INPP4B: variants seen among roughly 807,000 people sequenced by gnomAD.
INPP4B encodes inositol polyphosphate-4-phosphatase type II B.
A neutral mutation model predicts 122.5 loss-of-function variants in INPP4B; 55 were observed. The observed-to-expected ratio is 0.45, with a 90% confidence interval of 0.36 to 0.56. The LOEUF is 0.56. Ranked by LOEUF, INPP4B falls within the 20% of genes least tolerant of loss-of-function variation. The pLI, the probability that INPP4B is intolerant of heterozygous loss-of-function variation, is 0.00. For synonymous variants in INPP4B, 403 were observed against 388.7 expected, an observed-to-expected ratio of 1.04 and a Z score of -0.43; for missense variants, 1,000 against 1,097.7, an observed-to-expected ratio of 0.91 and a Z score of 1.26.
chr4:142,558,126 C>G (rs1050040077), intron 2 of INPP4B, among the ~76,000 whole-genome samples: 3 of 152,128 alleles, frequency 2.0e-5, no homozygotes, highest in African/African-American at 7.2e-5. Context: ...TGTACTGTAC[C>G]TATCATCTCA....
At chr4:142,220,585 C>T (rs183163442) in intron 12 of INPP4B, among the ~76,000 whole-genome samples, 74 of 152,264 alleles carry the variant, frequency 4.9e-4, no homozygotes, top group African/African-American at 1.7e-3. Flanking sequence ...CGATTCACTC[C>T]TGGTCACCTA....
At chr4:142,430,384 T>G (rs1346587870) in intron 4 of INPP4B, among the ~76,000 whole-genome samples, 2 of 152,016 alleles carry the variant, frequency 1.3e-5, no homozygotes, top group Admixed American at 6.6e-5. Flanking sequence ...ACAATCAGAT[T>G]TCTCAAAAAC....
At position 142,101,428 on chromosome 4, in the gene INPP4B, C is replaced by T. The variant is rs147257363; in HGVS notation, c.2374+6665G>A. 7.0e-3 allele frequency among the ~76,000 whole-genome samples: 1,064 copies of T among 152,194 alleles called. 24 individuals carry two copies. Among genetic ancestry groups the T allele is most frequent in the East Asian group, 0.047 (241 of 5,170 alleles). Reference sequence around the variant, plus strand: ...ATACTTAAGTAGCTTCAATTCTCATCGTTAGATAAAATGTAGTGCAACTCT... The same window carrying T: ...ATACTTAAGTAGCTTCAATTCTCATTGTTAGATAAAATGTAGTGCAACTCT... On this transcript the variant is annotated intron_variant, in intron 23 of 25. Transcript: ENST00000262992.
chr4:142,122,306 C>T, intron 20 of INPP4B, 61 bp from the exon 21 acceptor site: 1 of 1,152,404 alleles, frequency 8.7e-7, no homozygotes, highest in Non-Finnish European at 1.3e-6. Context: ...TCACTAGCTA[C>T]TATGCCTCCC....
chr4:142,198,838 G>A (rs1042592413), intron 14 of INPP4B, among the ~76,000 whole-genome samples: 2 of 151,908 alleles, frequency 1.3e-5, no homozygotes, highest in Non-Finnish European at 2.9e-5. Flanking sequence ...CTTTAATCCT[G>A]TTCCAGTTCT....
chr4:142,088,504 T>TTGTG (rs3836670), intron 23 of INPP4B, among the ~76,000 whole-genome samples: 68 of 150,950 alleles, frequency 4.5e-4, no homozygotes, highest in Middle Eastern at 6.8e-3. Flanking sequence ...CAATGTGTGC[T>TTGTG]TGTGTGTGTG....
At chr4:142,042,873 G>A (rs987660657) in intron 25 of INPP4B, among the ~76,000 whole-genome samples, 2 of 152,028 alleles carry the variant, frequency 1.3e-5, no homozygotes, top group Non-Finnish European at 2.9e-5. Flanking sequence ...TTCTATTAGG[G>A]TTGAATGCTA....
chr4:142,068,812 G>A (rs1161162918), intron 25 of INPP4B, among the ~76,000 whole-genome samples: 3 of 152,134 alleles, frequency 2.0e-5, no homozygotes, highest in African/African-American at 4.8e-5. Flanking sequence ...CCCAATACAG[G>A]AGCACCCTGA....
chr4:142,035,728 G>A (rs2152301139), intron 25 of INPP4B, among the ~76,000 whole-genome samples: 1 of 152,268 alleles, frequency 6.6e-6, no homozygotes, highest in Admixed American at 6.5e-5. Flanking sequence ...ATCATGCTGT[G>A]GTCTGGTTGC....
intron 2 of INPP4B, among the ~76,000 whole-genome samples, chr4:142,598,015 C>T (rs1739084456): frequency 6.6e-6 from 1 of 152,170 alleles, no homozygotes. Flanking sequence ...AAACATTGCA[C>T]ACCTGTCCTC....
chr4:142,278,729 T>C (rs1452433971), intron 9 of INPP4B, among the ~76,000 whole-genome samples: 1 of 151,736 alleles, frequency 6.6e-6, no homozygotes, highest in African/African-American at 2.4e-5. Context: ...AAACAGGAAG[T>C]ATGGAGGAGA....
chr4:142,369,029 T>G (rs62328295), intron 7 of INPP4B, among the ~76,000 whole-genome samples: 8,872 of 151,982 alleles, frequency 0.058, 348 homozygotes, highest in Middle Eastern at 0.15. Context: ...GAAGAGGAAC[T>G]GGGAGGAAGG....
rs188517065 is a variant in INPP4B at position 142,439,046 on chromosome 4, C to A, written c.-126-7661G>T. Among the ~76,000 whole-genome samples, 15 of 152,186 alleles carry A rather than the reference C, an allele frequency of 9.9e-5. 1 individual carries two copies. In the East Asian group the frequency reaches 1.5e-3, roughly 16 times the overall value. On this transcript the variant is annotated intron_variant, in intron 3 of 25. Coordinates refer to ENST00000262992, the MANE Select transcript of INPP4B (RefSeq NM_001101669.3). Reference sequence around the variant, plus strand: ...CCACTCAGATGTCTCATCAAGAGACCTGCTGTGAGAAATACAGGTGTCTGA... The same window carrying A: ...CCACTCAGATGTCTCATCAAGAGACATGCTGTGAGAAATACAGGTGTCTGA...
chr4:142,245,477 T>C lies in INPP4B; in HGVS notation c.689-7466A>G, dbSNP rs1727508517. Among the ~76,000 whole-genome samples, 4 of 152,204 alleles carry C rather than the reference T, an allele frequency of 2.6e-5. No homozygotes were observed. The South Asian group carries it at 8.3e-4, about 31-fold the overall frequency. On this transcript the variant is annotated intron_variant, in intron 11 of 25. Coordinates refer to ENST00000262992, the MANE Select transcript of INPP4B (RefSeq NM_001101669.3). ...ACACATTTATTAAATAGGGAATCCT[T>C]TCCCCATTGCCAGTATTTTATTGAG...
intron 2 of INPP4B, among the ~76,000 whole-genome samples, chr4:142,658,027 A>G (rs1465258798): frequency 6.6e-6 from 1 of 152,210 alleles, no homozygotes; most frequent in Non-Finnish European, 1.5e-5. Context: ...AATAATGTTC[A>G]CATATGTTCC....
chr4:142,708,639 G>A (rs1320786791), intron 2 of INPP4B, among the ~76,000 whole-genome samples: 1 of 152,204 alleles, frequency 6.6e-6, no homozygotes, highest in African/African-American at 2.4e-5. Flanking sequence ...CGTGCACAGA[G>A]GGCAAGAGTT....
At chr4:142,260,752 G>C (rs1739557279) in intron 10 of INPP4B, among the ~76,000 whole-genome samples, 188 bp from the exon 11 acceptor site, 1 of 152,092 alleles carries the variant, frequency 6.6e-6, no homozygotes, top group South Asian at 2.1e-4. Context: ...TTACTTAAAT[G>C]TATACAGAAT....
chr4:142,293,972 T>A (rs952069695), intron 9 of INPP4B, among the ~76,000 whole-genome samples: 8 of 152,162 alleles, frequency 5.3e-5, no homozygotes, highest in African/African-American at 1.9e-4. Flanking sequence ...TTCTCACTTA[T>A]AAGTGGGAGC....
chr4:142,180,292 A>C (rs1372985952), intron 15 of INPP4B, among the ~76,000 whole-genome samples: 1 of 152,202 alleles, frequency 6.6e-6, no homozygotes, highest in Non-Finnish European at 1.5e-5. Flanking sequence ...ATGATATTAT[A>C]GACTAATGAT....
Sources: allele counts gnomAD v4.1 joint callset (sites outside exome capture counted in the v4.1 genomes callset), GRCh38; gene constraint gnomAD v4.1.1; transcripts MANE v1.5; gene names NCBI Gene and HGNC (gene_info 2026-07-23, HGNC 2026-07-21).